Variants in ACSF3 observed in about 807,000 individuals in gnomAD.
The protein encoded by ACSF3 is malonate--CoA ligase ACSF3, mitochondrial.
In ACSF3, 78 loss-of-function variants were observed where a neutral mutation model predicts 53.2. The observed-to-expected ratio is 1.47, with a 90% CI of 1.22 to 1.77. The LOEUF (loss-of-function observed/expected upper bound fraction) is 1.77. Among genes scored for constraint, ACSF3 ranks in the 40% most tolerant of loss-of-function variants. ACSF3 has a pLI of 0.00. For synonymous variants in ACSF3, 414 were observed against 333.1 expected (o/e 1.24, Z -2.65); for missense variants, 937 against 771.1 (o/e 1.22, Z -2.55).
At chr16:89,120,705 C>A in intron 6 of ACSF3, 96 bp from the exon 7 acceptor site, 1 of 1,207,800 alleles carries the variant, frequency 8.3e-7, no homozygotes, top group Non-Finnish European at 1.2e-6. Context: ...GCACGTGGCA[C>A]ACGGGAGCTC....
At chr16:89,099,009 C>T (rs1041924497) in intron 2 of ACSF3, among the ~76,000 whole-genome samples, 10 of 152,394 alleles carry the variant, frequency 6.6e-5, no homozygotes, top group South Asian at 2.1e-4. Context: ...GCTGAGTGCC[C>T]AGTGGCAGCA....
chr16:89,131,684 T>C (rs1300056019), intron 7 of ACSF3, among the ~76,000 whole-genome samples: 2 of 152,216 alleles, frequency 1.3e-5, no homozygotes, highest in Non-Finnish European at 2.9e-5. Context: ...TTGGTCTCAT[T>C]GTCATTTTAT....
At chr16:89,120,971 G>C (rs531100646) in intron 7 of ACSF3, 58 bp downstream of exon 7, 1 of 1,465,270 alleles carries the variant, frequency 6.8e-7, no homozygotes, top group East Asian at 2.3e-5. Flanking sequence ...GGCCCCCCAG[G>C]GTGGTTACAC....
Position 89,154,108 on chromosome 16 carries a change from C to G in ACSF3, c.1632C>G (p.Tyr544Ter). The change falls in exon 11 of 11, where the codon TAC becomes TAG. Residue 544 changes from tyrosine (Y) to a stop codon, truncating the protein, a stop_gained. Coordinates refer to ENST00000614302, the MANE Select transcript of ACSF3 (RefSeq NM_001243279.3). LOFTEE classifies it high-confidence loss of function. ...KEWARNVLAP[Y>*]AVPSELVLVE... ...TCTGCAGAAATGTCCTGGCCCCGTA[C>G]GCGGTGCCCTCGGAGCTGGTGCTGG... The G allele has an allele frequency of 6.2e-7, 1 of 1,613,024 alleles. No individual in the cohort carries two copies.
intron 7 of ACSF3, 73 bp downstream of exon 7, chr16:89,120,986 G>GCA: frequency 7.4e-7 from 1 of 1,353,536 alleles, no homozygotes. Context: ...TTACACTGGT[G>GCA]CATCTTTCCC....
At chr16:89,145,070 G>A (rs921266567) in intron 8 of ACSF3, 197 bp from the exon 9 acceptor site, 17 of 1,468,974 alleles carry the variant, frequency 1.2e-5, no homozygotes, top group South Asian at 8.5e-5. Context: ...TGGGACGCAC[G>A]TCGTGACCAC....
chr16:89,118,575 G>A (rs950768160), intron 6 of ACSF3, among the ~76,000 whole-genome samples: 1 of 140,810 alleles, frequency 7.1e-6, no homozygotes, highest in Non-Finnish European at 1.6e-5. Flanking sequence ...GAGAGAAGCT[G>A]GGTGGAGGGT....
Position 89,102,704 on chromosome 16 carries a change from G to C in ACSF3, c.767G>C (p.Cys256Ser). 1.2e-6 allele frequency: 2 copies of C among 1,613,586 alleles called. No individual in the cohort carries two copies. Among genetic ancestry groups the C allele is most frequent in the Non-Finnish European group, 1.7e-6 (2 of 1,180,022 alleles). ...CATGGTGTGGTCAACGCGCTGCTCTGTCCTCTCTGGGTGGGAGCCACCTGT... is the reference window on the plus strand; with the variant it reads ...CATGGTGTGGTCAACGCGCTGCTCTCTCCTCTCTGGGTGGGAGCCACCTGT... The part of the protein sequence containing the change: ...HVHGVVNALL[C>S]PLWVGATCVM... Residue 256 changes from cysteine to serine, a missense_variant, in exon 4 of 11, where the codon TGT becomes TCT. Transcript: ENST00000614302.
intron 7 of ACSF3, among the ~76,000 whole-genome samples, chr16:89,131,127 C>CTTTTTTTTTTTTTT (rs558773398): frequency 4.6e-4 from 32 of 69,550 alleles, no homozygotes; most frequent in Non-Finnish European, 6.4e-4. Context: ...TTTTCTTTTT[C>CTTTTTTTTTTTTTT]TTTTTTTTTT....
At chr16:89,106,808 C>T (rs944564680) in intron 4 of ACSF3, among the ~76,000 whole-genome samples, 3 of 152,200 alleles carry the variant, frequency 2.0e-5, no homozygotes, top group African/African-American at 7.2e-5. Context: ...TGGTGCTGAA[C>T]GATCTCAGAC....
At chr16:89,141,347 G>T (rs574915915) in intron 8 of ACSF3, 26 of 1,257,420 alleles carry the variant, frequency 2.1e-5, no homozygotes, top group Non-Finnish European at 2.6e-5. Context: ...ACTGCTCTGT[G>T]CTGAGAAGCT....
At chr16:89,152,711 A>G (rs1201330747) in intron 10 of ACSF3, 3 of 152,200 alleles carry the variant, frequency 2.0e-5, no homozygotes, top group Non-Finnish European at 4.4e-5. Context: ...ATACAACTAT[A>G]AAATATATAC....
chr16:89,137,630 C>A (rs1455045688), intron 8 of ACSF3, among the ~76,000 whole-genome samples: 1 of 149,850 alleles, frequency 6.7e-6, no homozygotes. Flanking sequence ...GGGAGGACCA[C>A]CAGGAGCTCA....
chr16:89,145,554 A>G (rs1255342877), intron 9 of ACSF3, among the ~76,000 whole-genome samples, 153 bp downstream of exon 9: 1 of 152,180 alleles, frequency 6.6e-6, no homozygotes, highest in Admixed American at 6.5e-5. Context: ...TGGCCAGGGA[A>G]CATGGGGCTA....
In ACSF3 at chr16:89,146,004, G is replaced by C. The variant is rs369726475; in HGVS notation, c.1568G>C (p.Arg523Pro). Residue 523 changes from arginine to proline, a missense_variant, in exon 10 of 11, where the codon CGA (arginine) becomes CCA (proline). Physicochemically the swap from Arg to Pro is moderately radical, Grantham distance 103 (BLOSUM62 -2). Transcript: ENST00000614302. ...CGGGTCACTGCTGTGGTGACCCTCCGAGAAGGACACTCACTGTCCCACAGG... is the reference window on the plus strand; with the variant it reads ...CGGGTCACTGCTGTGGTGACCCTCCCAGAAGGACACTCACTGTCCCACAGG... ...GQRVTAVVTL[R>P]EGHSLSHREL... 2 of 1,542,048 alleles carry C rather than the reference G, an allele frequency of 1.3e-6. No individual in the cohort carries two copies. Among genetic ancestry groups the C allele is most frequent in the Admixed American group, 3.5e-5 (2 of 57,740 alleles).
rs1406088644 is a variant in ACSF3 at position 89,142,005 on chromosome 16, C to T, written c.1367-3262C>T. On this transcript the variant is annotated intron_variant, in intron 8 of 10. Coordinates refer to ENST00000614302, the MANE Select transcript of ACSF3 (RefSeq NM_001243279.3). ...GGGAGTCTCAGACACAGCCTTTTTC[C>T]GACAGGTATAGCTGCCACTTTCTCC... 3.9e-5 allele frequency among the ~76,000 whole-genome samples: 6 copies of T among 152,192 alleles called. No individual in the cohort carries two copies. In the East Asian group the frequency reaches 5.8e-4, roughly 15 times the overall value.
At chr16:89,125,932 C>T (rs573585032) in intron 7 of ACSF3, among the ~76,000 whole-genome samples, 16 of 152,008 alleles carry the variant, frequency 1.1e-4, no homozygotes, top group Middle Eastern at 3.4e-3. Context: ...TCTCCATTTA[C>T]GTAGATCCGT....
At chr16:89,140,080 C>T (rs1911450934) in intron 8 of ACSF3, among the ~76,000 whole-genome samples, 1 of 152,262 alleles carries the variant, frequency 6.6e-6, no homozygotes, top group Admixed American at 6.5e-5. Context: ...CTCTTTCACC[C>T]TTGGCCCACA....
intron 7 of ACSF3, among the ~76,000 whole-genome samples, chr16:89,124,358 C>A (rs111683659): frequency 2.0e-5 from 3 of 150,594 alleles, no homozygotes; most frequent in African/African-American, 7.3e-5. Context: ...TGTGTGATAC[C>A]CCTGTGCACA....
Sources: gnomAD v4.1 joint callset for allele counts (sites outside exome capture counted in the v4.1 genomes callset) on GRCh38, gnomAD v4.1.1 for gene constraint, MANE v1.5 for transcripts, NCBI Gene and HGNC (gene_info 2026-07-23, HGNC 2026-07-21) for gene names.